The following ZFPM1 variants were observed in gnomAD, a reference collection of about 807,000 sequenced individuals.
The protein encoded by ZFPM1 is zinc finger protein ZFPM1.
Under a neutral mutation model 46.3 loss-of-function variants are expected in ZFPM1, and 28 were observed. The observed-to-expected ratio is 0.60, with a 90% CI of 0.45 to 0.83. The LOEUF (loss-of-function observed/expected upper bound fraction) is 0.83, where lower values mean the gene tolerates loss of function less well. ZFPM1 is among the 40% of genes least tolerant of loss of function. ZFPM1 has a pLI of 0.00. For synonymous variants in ZFPM1, 957 were observed against 675.9 expected (o/e 1.42, Z -6.45); for missense variants, 1,878 against 1,432.4 (o/e 1.31, Z -5.02).
At chr16:88,475,114 G>A (rs1334719323) in intron 1 of ZFPM1, among the ~76,000 whole-genome samples, 1 of 152,244 alleles carries the variant, frequency 6.6e-6, no homozygotes, top group East Asian at 1.9e-4. Context: ...GTGCATTCGT[G>A]TTGATGGGGA....
intron 4 of ZFPM1, among the ~76,000 whole-genome samples, chr16:88,518,952 G>A (rs1049205355): frequency 4.7e-5 from 7 of 147,704 alleles, no homozygotes; most frequent in African/African-American, 1.8e-4. Flanking sequence ...GCTAGCTGGT[G>A]GATAAGTGGA....
rs1908887687 is a variant in ZFPM1, at chr16:88,480,606, C to A, written c.41-5333C>A. On this transcript the variant is annotated intron_variant, in intron 1 of 9. Coordinates refer to ENST00000319555, the MANE Select transcript of ZFPM1 (RefSeq NM_153813.3). This position sits in a 1 kb window ranked among gnomAD's most constrained non-coding sequence, Gnocchi z 4.9. Reference sequence around the variant, plus strand: ...AGAGGCCAGCATAGGCGCCTGTGTCCCCTGCAGGCACCCACTGGGGACTTA... The same window carrying A: ...AGAGGCCAGCATAGGCGCCTGTGTCACCTGCAGGCACCCACTGGGGACTTA... Among the ~76,000 whole-genome samples, 1 of 152,230 alleles carries A rather than the reference C, an allele frequency of 6.6e-6. No homozygotes were observed. The highest frequency in any genetic ancestry group is 1.5e-5 in the Non-Finnish European group (1 of 68,036).
chr16:88,488,101 C>T (rs1263147011), intron 2 of ZFPM1, among the ~76,000 whole-genome samples: 1 of 152,194 alleles, frequency 6.6e-6, no homozygotes, highest in Non-Finnish European at 1.5e-5. Flanking sequence ...GCACGTGTAG[C>T]ACATGTGGAC....
chr16:88,452,852 A>C (rs1597221008), upstream of ZFPM1, among the ~76,000 whole-genome samples: 1 of 152,160 alleles, frequency 6.6e-6, no homozygotes, highest in Admixed American at 6.5e-5. Context: ...GCCGCGGGGC[A>C]GCAGAACAGA....
At position 88,455,098 on chromosome 16, in the gene ZFPM1, C is replaced by T. The variant is rs571625621; in HGVS notation, c.40+1420C>T. Among the ~76,000 whole-genome samples, 273 of 151,614 alleles carry T rather than the reference C, an allele frequency of 1.8e-3. 3 individuals carry two copies. The highest frequency in any genetic ancestry group is 6.4e-3 in the African/African-American group (263 of 41,266). ...CGCGCTTGTGCTCTGGTTTCTTTTT[C>T]CTTCCTTCCCTGAGCGCCTATGTTC... On this transcript the variant is annotated intron_variant, in intron 1 of 9. Coordinates refer to ENST00000319555, the MANE Select transcript of ZFPM1 (RefSeq NM_153813.3).
In ZFPM1 at chr16:88,533,381, A is replaced by G; in HGVS notation, c.1423A>G (p.Ile475Val). Reference protein sequence around the residue: ...EAVEEPEAAPILGPGEPGPQA... With the variant: ...EAVEEPEAAPVLGPGEPGPQA... The stretch of plus-strand genomic sequence containing the variant: ...GGTGGAGGAGCCGGAGGCGGCCCCC[A>G]TCCTGGGCCCCGGAGAGCCTGGGCC... The change falls in exon 10 of 10, where the codon ATC becomes GTC. Residue 475 changes from isoleucine (I) to valine (V), a missense_variant. Ile to Val is a conservative substitution (Grantham distance 29). Coordinates refer to ENST00000319555, the MANE Select transcript of ZFPM1 (RefSeq NM_153813.3). The G allele has an allele frequency of 6.6e-7, 1 of 1,526,494 alleles. No individual in the cohort carries two copies. The highest frequency in any genetic ancestry group is 8.8e-7 in the Non-Finnish European group (1 of 1,142,766). 94.6% of individuals were successfully genotyped at this position (1,526,494 alleles called of 1,614,324 possible).
chr16:88,517,809 G>C (rs914051744), intron 4 of ZFPM1, among the ~76,000 whole-genome samples: 28 of 144,576 alleles, frequency 1.9e-4, no homozygotes, highest in African/African-American at 7.5e-4. Context: ...TGGCTGAAAG[G>C]GTGGGTGGGT....
chr16:88,484,959 C>T (rs1009330997), intron 1 of ZFPM1, among the ~76,000 whole-genome samples: 3 of 152,314 alleles, frequency 2.0e-5, no homozygotes, highest in Middle Eastern at 3.4e-3. Flanking sequence ...GGACCCAGGC[C>T]CTGAGGCACT....
chr16:88,460,922 C>CGGGAGACCTGGTGATGACCGAGGGGT (rs1907796388), intron 1 of ZFPM1, among the ~76,000 whole-genome samples: 2 of 27,194 alleles, frequency 7.4e-5, no homozygotes, highest in African/African-American at 2.3e-4. Flanking sequence ...GACCGAGGGG[C>CGGGAGACCTGGTGATGACCGAGGGGT]GGGGCGGGAG....
At chr16:88,520,718 G>GGGATGGGTGGGTAGATGGAT (rs1407084872) in intron 4 of ZFPM1, among the ~76,000 whole-genome samples, 3 of 111,454 alleles carry the variant, frequency 2.7e-5, no homozygotes, top group Non-Finnish European at 5.6e-5. Flanking sequence ...GGTGGATGGA[G>GGGATGGGTGGGTAGATGGAT]GGATGGGTGG....
At chr16:88,531,284 C>G (rs768764699) in intron 6 of ZFPM1, among the ~76,000 whole-genome samples, 1 of 152,320 alleles carries the variant, frequency 6.6e-6, no homozygotes, top group South Asian at 2.1e-4. Context: ...TAAAGACAAA[C>G]CGAGAACACG....
At position 88,519,293 on chromosome 16, in the gene ZFPM1, A is replaced by G. The variant is rs111210152; in HGVS notation, c.402+4773A>G. ...GAGGGATGGATGGATGGATGGATGG[A>G]TGGGTGGGTGAGTGGGTGAAGGAGT... On this transcript the variant is annotated intron_variant, in intron 4 of 9. Transcript: ENST00000319555. Among the ~76,000 whole-genome samples, 706 of 145,362 alleles carry G rather than the reference A, an allele frequency of 4.9e-3. 8 individuals are homozygous for G. Among genetic ancestry groups the G allele is most frequent in the African/African-American group, 0.018 (670 of 37,656 alleles).
Position 88,534,332 on chromosome 16 carries a change from G to C in ZFPM1, c.2374G>C (p.Asp792His). 7.4e-7 allele frequency: 1 copy of C among 1,359,776 alleles called. No individual in the cohort carries two copies. The highest frequency in any genetic ancestry group is 3.3e-5 in the East Asian group (1 of 29,902). 84.2% of individuals were successfully genotyped at this position (1,359,776 alleles called of 1,614,324 possible). A position where few individuals can be genotyped will look rare whatever the true frequency, so the allele number is the denominator to read the frequency against. ...TGCGCGCTCGCCCGGCCCCGCGGCCGACGGCCCCATCGACCTGAGCAAGAA... is the reference window on the plus strand; with the variant it reads ...TGCGCGCTCGCCCGGCCCCGCGGCCCACGGCCCCATCGACCTGAGCAAGAA... ...APARSPGPAA[D>H]GPIDLSKKPR... The change falls in exon 10 of 10, where the codon GAC (aspartate) becomes CAC (histidine). Residue 792 changes from aspartate to histidine, a missense_variant. Physicochemically the swap from Asp to His is moderately conservative, Grantham distance 81 (BLOSUM62 -1). Coordinates refer to ENST00000319555, the MANE Select transcript of ZFPM1 (RefSeq NM_153813.3).
chr16:88,484,869 C>T (rs1047107553), intron 1 of ZFPM1, among the ~76,000 whole-genome samples: 1 of 152,238 alleles, frequency 6.6e-6, no homozygotes, highest in Non-Finnish European at 1.5e-5. Context: ...ACTTGGGCCG[C>T]GTGGCCTTGT....
At position 88,533,883 on chromosome 16, in the gene ZFPM1, G is replaced by C. The variant is rs1377115943; in HGVS notation, c.1925G>C (p.Gly642Ala). 1 of 1,003,840 alleles carries C rather than the reference G, an allele frequency of 1.0e-6. No homozygotes were observed. The highest frequency in any genetic ancestry group is 1.8e-5 in the African/African-American group (1 of 55,680). 62.2% of individuals were successfully genotyped at this position (1,003,840 alleles called of 1,614,324 possible). Reference sequence around the variant, plus strand: ...GCGCCGCGCTCGTCCCCGGGCCCCGGAGCGCGCGAGGAGGGGGCTGGGGGC... The same window carrying C: ...GCGCCGCGCTCGTCCCCGGGCCCCGCAGCGCGCGAGGAGGGGGCTGGGGGC... ...PDAPRSSPGP[G>A]AREEGAGGAA... Residue 642 changes from glycine (G) to alanine (A), a missense_variant, in exon 10 of 10, where the codon GGA (glycine) becomes GCA (alanine). Coordinates refer to ENST00000319555, the MANE Select transcript of ZFPM1 (RefSeq NM_153813.3).
At chr16:88,510,677 C>T (rs917443012) in intron 3 of ZFPM1, among the ~76,000 whole-genome samples, 3 of 152,064 alleles carry the variant, frequency 2.0e-5, no homozygotes. Flanking sequence ...CTCAGGAGAC[C>T]CGTCTAGAGA....
intron 1 of ZFPM1, among the ~76,000 whole-genome samples, chr16:88,467,659 T>A (rs1288005040): frequency 6.6e-6 from 1 of 152,058 alleles, no homozygotes; most frequent in African/African-American, 2.4e-5. Context: ...CCCTCCCTCC[T>A]CCAGTCACGG....
At chr16:88,477,097 G>A (rs935513975) in intron 1 of ZFPM1, among the ~76,000 whole-genome samples, 5 of 152,234 alleles carry the variant, frequency 3.3e-5, no homozygotes, top group South Asian at 2.1e-4. Context: ...CTGCCAGCCC[G>A]GCTTCCCTGC....
Position 88,532,223 on chromosome 16 carries a change from C to A in ZFPM1, c.934C>A (p.Arg312Ser). 6.2e-7 allele frequency: 1 copy of A among 1,603,680 alleles called. No individual in the cohort carries two copies. Among genetic ancestry groups the A allele is most frequent in the Non-Finnish European group, 8.5e-7 (1 of 1,173,336 alleles). ...CGCCAGCTCCCTGGAGATCCACATG[C>A]GCAGCCACAGCGGTGAGCCCCCACC... ...PSASSLEIHM[R>S]SHSGERPFVC... The change falls in exon 7 of 10, where the codon CGC becomes AGC. Residue 312 changes from arginine (R) to serine (S), a missense_variant. By Grantham distance (110) the Arg-to-Ser change is moderately radical. Coordinates refer to ENST00000319555, the MANE Select transcript of ZFPM1 (RefSeq NM_153813.3).
Sources: allele counts gnomAD v4.1 joint callset (sites outside exome capture counted in the v4.1 genomes callset), GRCh38; gene constraint gnomAD v4.1.1; non-coding constraint Gnocchi (gnomAD v3.1); transcripts MANE v1.5; gene names NCBI Gene and HGNC (gene_info 2026-07-23, HGNC 2026-07-21).